The following FGF12 variants were observed in gnomAD, a reference collection of about 807,000 sequenced individuals.
FGF12 encodes fibroblast growth factor 12.
A neutral mutation model predicts 23.6 loss-of-function variants in FGF12; 14 were observed. The observed-to-expected ratio is 0.59, with a 90% CI of 0.39 to 0.93. FGF12 has a LOEUF of 0.93. Ranked by LOEUF, FGF12 falls within the 40% of genes least tolerant of loss-of-function variation. The pLI is 0.00. For missense variants in FGF12, 175 were observed against 217.8 expected (o/e 0.80, Z 1.24); for synonymous variants, 62 against 77.3 (o/e 0.80, Z 1.04).
At chr3:192,377,333 G>A (rs970256389) in intron 2 of FGF12, among the ~76,000 whole-genome samples, 2 of 152,144 alleles carry the variant, frequency 1.3e-5, no homozygotes, top group Non-Finnish European at 2.9e-5. Flanking sequence ...GCCACCTGAA[G>A]TACAGAAACT....
chr3:192,344,586 G>C (rs1717863107), intron 3 of FGF12, among the ~76,000 whole-genome samples: 1 of 152,188 alleles, frequency 6.6e-6, no homozygotes, highest in South Asian at 2.1e-4. Flanking sequence ...GAGCTGACTA[G>C]TGGTTTGGGA....
intron 4 of FGF12, among the ~76,000 whole-genome samples, chr3:192,219,989 T>C (rs1242376695): frequency 6.6e-6 from 1 of 152,186 alleles, no homozygotes; most frequent in Non-Finnish European, 1.5e-5. Flanking sequence ...ATTGTTTTCT[T>C]TTCCAGTGCT....
chr3:192,199,383 T>C (rs1717242666), intron 4 of FGF12, among the ~76,000 whole-genome samples: 1 of 152,196 alleles, frequency 6.6e-6, no homozygotes, highest in African/African-American at 2.4e-5. Flanking sequence ...ACATACATCA[T>C]AACAGTTCAG....
At chr3:192,411,896 T>C (rs960228111) in intron 2 of FGF12, among the ~76,000 whole-genome samples, 4 of 152,200 alleles carry the variant, frequency 2.6e-5, no homozygotes, top group African/African-American at 9.6e-5. Flanking sequence ...CAGAAGTGAA[T>C]ATGCATGTGT....
chr3:192,259,699 A>G (rs956422426), intron 4 of FGF12, among the ~76,000 whole-genome samples: 18 of 152,208 alleles, frequency 1.2e-4, no homozygotes, highest in African/African-American at 3.9e-4. Context: ...AGAAGAAACA[A>G]TCAGAAATTC....
intron 4 of FGF12, among the ~76,000 whole-genome samples, chr3:192,237,733 A>G (rs75962973): frequency 0.036 from 5,469 of 152,150 alleles, 327 homozygotes; most frequent in African/African-American, 0.13. Flanking sequence ...CAACTCTTGG[A>G]CTGTTTCACC....
chr3:192,674,855 C>G (rs1259235275), intron 2 of FGF12, among the ~76,000 whole-genome samples: 1 of 152,160 alleles, frequency 6.6e-6, no homozygotes, highest in Non-Finnish European at 1.5e-5. Context: ...GACAGAAGCC[C>G]ACTGGGGTTT....
At chr3:192,545,546 A>G (rs75921403) in intron 2 of FGF12, among the ~76,000 whole-genome samples, 1,525 of 152,314 alleles carry the variant, frequency 0.01, 19 homozygotes, top group African/African-American at 0.034. Flanking sequence ...TCCCATAGCT[A>G]TAGCTTGTCT....
At chr3:192,541,719 T>TA (rs1231285996) in intron 2 of FGF12, among the ~76,000 whole-genome samples, 2 of 152,140 alleles carry the variant, frequency 1.3e-5, no homozygotes, top group Non-Finnish European at 1.5e-5. Context: ...CTGATGTTAA[T>TA]AAAACCCCTT....
chr3:192,584,451 T>C (rs1168638756), intron 2 of FGF12, among the ~76,000 whole-genome samples: 4 of 152,070 alleles, frequency 2.6e-5, no homozygotes, highest in South Asian at 2.1e-4. Context: ...ACTGAGGCCT[T>C]ATCTCAAGTC....
chr3:192,154,621 T>C (rs1033233483), intron 5 of FGF12, among the ~76,000 whole-genome samples: 3 of 150,924 alleles, frequency 2.0e-5, no homozygotes, highest in Non-Finnish European at 4.4e-5. Flanking sequence ...CCAGTTAGGC[T>C]GCTCGGGGGT....
At chr3:192,690,782 A>G (rs898399929) in intron 2 of FGF12, among the ~76,000 whole-genome samples, 6 of 152,116 alleles carry the variant, frequency 3.9e-5, no homozygotes, top group Middle Eastern at 3.4e-3. Context: ...AAAAAAGACA[A>G]GACCCAAATA....
chr3:192,277,825 C>T (rs913160006), intron 4 of FGF12, among the ~76,000 whole-genome samples: 2 of 152,270 alleles, frequency 1.3e-5, no homozygotes, highest in Middle Eastern at 3.4e-3. Context: ...TGCAGTGGTG[C>T]GATCTCAGCC....
chr3:192,399,037 A>G (rs1396391735), intron 2 of FGF12, among the ~76,000 whole-genome samples: 1 of 152,120 alleles, frequency 6.6e-6, no homozygotes, highest in Non-Finnish European at 1.5e-5. Flanking sequence ...AGTTTTCATC[A>G]AGAAGACGAG....
chr3:192,415,522 T>A (rs1721320513), intron 2 of FGF12, among the ~76,000 whole-genome samples: 1 of 152,064 alleles, frequency 6.6e-6, no homozygotes, highest in African/African-American at 2.4e-5. Flanking sequence ...ACTCTTTGTA[T>A]CAGGAAATAA....
intron 5 of FGF12, among the ~76,000 whole-genome samples, chr3:192,157,447 T>C (rs565277335): frequency 6.6e-6 from 1 of 152,358 alleles, no homozygotes; most frequent in African/African-American, 2.4e-5. Context: ...ATCACTGAGC[T>C]TTGAAGTATT....
rs551587492 is a variant in FGF12 at position 192,205,559 on chromosome 3, G to A, written c.229-34903C>T. Among the ~76,000 whole-genome samples, 162 of 152,334 alleles carry A rather than the reference G, an allele frequency of 1.1e-3. 1 individual carries two copies. The South Asian group carries it at 0.033, about 31-fold the overall frequency. ...TGCATAAAACTTAAGTGCCCAGCAA[G>A]AAGAGACTAGCATCTTATCCTTAGA... On this transcript the variant is annotated intron_variant, in intron 4 of 5. Transcript: ENST00000445105.
At chr3:192,618,599 T>A (rs1714852233) in intron 2 of FGF12, among the ~76,000 whole-genome samples, 1 of 152,118 alleles carries the variant, frequency 6.6e-6, no homozygotes, top group Admixed American at 6.6e-5. Context: ...AAATATTCTC[T>A]CTAAAACTCT....
At chr3:192,372,712 C>A (rs1719291286) in intron 2 of FGF12, among the ~76,000 whole-genome samples, 1 of 152,174 alleles carries the variant, frequency 6.6e-6, no homozygotes, top group African/African-American at 2.4e-5. Flanking sequence ...TCTTCCAAAC[C>A]ACACTACAGT....
Sources: allele counts gnomAD v4.1 joint callset (sites outside exome capture counted in the v4.1 genomes callset), GRCh38; gene constraint gnomAD v4.1.1; transcripts MANE v1.5; gene names NCBI Gene and HGNC (gene_info 2026-07-23, HGNC 2026-07-21).